SPTA1: variants seen among roughly 807,000 people sequenced by gnomAD.
SPTA1 encodes the protein spectrin alpha, erythrocytic 1.
In SPTA1, 177 loss-of-function variants were observed where a neutral mutation model predicts 324.7. The ratio of observed to expected loss-of-function variants is 0.55; its 90% confidence interval spans 0.48 to 0.62. The LOEUF is 0.62. Ranked by LOEUF, SPTA1 falls within the 20% of genes least tolerant of loss-of-function variation. The probability of loss-of-function intolerance (pLI) is 0.00; values close to 1 mark genes in which losing one functional copy is unlikely to be tolerated. For synonymous variants in SPTA1, 1,195 were observed against 1,041.3 expected, an observed-to-expected ratio of 1.15 and a Z score of -2.84; for missense variants, 3,162 against 2,883.6, an observed-to-expected ratio of 1.10 and a Z score of -2.21.
chr1:158,613,966 T>C (rs1442069800), intron 49 of SPTA1, 99 bp from the exon 50 acceptor site: 2 of 1,371,750 alleles, frequency 1.5e-6, no homozygotes, highest in East Asian at 2.5e-5. Flanking sequence ...TGAAGCTTTA[T>C]TGACCTGTCA....
At chr1:158,643,254 C>T in intron 31 of SPTA1, 68 bp downstream of exon 31, 2 of 1,559,400 alleles carry the variant, frequency 1.3e-6, no homozygotes, top group Non-Finnish European at 1.8e-6. Flanking sequence ...TCCCCCATCT[C>T]AATGCTAGCA....
At chr1:158,655,544 G>C (rs1173463171) in intron 20 of SPTA1, among the ~76,000 whole-genome samples, 2 of 150,860 alleles carry the variant, frequency 1.3e-5, no homozygotes, top group East Asian at 3.9e-4. Flanking sequence ...AAATCCTTCT[G>C]TTCTTGTTTA....
Position 158,645,300 on chromosome 1 carries a change from T to C in SPTA1, c.4082A>G (p.His1361Arg). The stretch of plus-strand genomic sequence containing the variant: ...CTTTTTTTCAATTTCAGGGCTAGCA[T>C]GGTGCCCACTGTCGATAAGTTCTGC... ...FSAELIDSGHHASPEIEKKLQ... is the reference protein window; with the variant it reads ...FSAELIDSGHRASPEIEKKLQ... Residue 1361 changes from histidine to arginine, a missense_variant, in exon 29 of 52, where the codon CAT becomes CGT. His to Arg is a conservative substitution (Grantham distance 29). Transcript: ENST00000643759. 1 of 1,614,030 alleles carries C rather than the reference T, an allele frequency of 6.2e-7. No individual in the cohort carries two copies. Among genetic ancestry groups the C allele is most frequent in the Non-Finnish European group, 8.5e-7 (1 of 1,179,946 alleles).
intron 16 of SPTA1, among the ~76,000 whole-genome samples, chr1:158,665,080 C>A (rs1295298931): frequency 6.6e-6 from 1 of 152,252 alleles, no homozygotes; most frequent in East Asian, 1.9e-4. Context: ...ATTAGGAGTT[C>A]AAATTCCTGG....
At position 158,671,501 on chromosome 1, in the gene SPTA1, A is replaced by G. The variant is rs201825151; in HGVS notation, c.1489-48T>C. On this transcript the variant is annotated intron_variant, in intron 11 of 51. Transcript: ENST00000643759. ...CCTAAGCTGTGTCTGACCGGTAAGA[A>G]ACATTCCTCTTGGCATATCTCTGAG... The G allele has an allele frequency of 3.2e-5, 47 of 1,466,142 alleles. No homozygotes were observed. In the East Asian group the frequency reaches 1.1e-3, roughly 33 times the overall value. 90.8% of individuals were successfully genotyped at this position (1,466,142 alleles called of 1,614,324 possible). A position where few individuals can be genotyped will look rare whatever the true frequency, so the allele number is the denominator to read the frequency against.
chr1:158,685,994 G>C (rs375667560), intron 1 of SPTA1, among the ~76,000 whole-genome samples: 2 of 152,158 alleles, frequency 1.3e-5, no homozygotes, highest in Non-Finnish European at 2.9e-5. Context: ...CAATATATAA[G>C]TATCCTTTTC....
intron 39 of SPTA1, among the ~76,000 whole-genome samples, chr1:158,632,600 C>T (rs986823865): frequency 6.6e-6 from 1 of 152,086 alleles, no homozygotes; most frequent in African/African-American, 2.4e-5. Flanking sequence ...ATATGAGCTA[C>T]AATGAGGTAT....
At chr1:158,668,117 A>G in intron 14 of SPTA1, 55 bp from the exon 15 acceptor site, 1 of 1,572,408 alleles carries the variant, frequency 6.4e-7, no homozygotes, top group East Asian at 2.2e-5. Context: ...TGAGGGACAG[A>G]AATTTTGAGA....
rs765863394 is a variant in SPTA1 at position 158,669,551 on chromosome 1, G to T, written c.1690C>A (p.Arg564=). 3 of 1,613,926 alleles carry T rather than the reference G, an allele frequency of 1.9e-6. No homozygotes were observed. Among genetic ancestry groups the T allele is most frequent in the South Asian group, 1.1e-5 (1 of 91,088 alleles). Reference sequence around the variant, plus strand: ...GCAGCCTTTTCACGTAGGGCATCCCGCCGGGCTAACAGCTGCAAAAACCAT... The same window carrying T: ...GCAGCCTTTTCACGTAGGGCATCCCTCCGGGCTAACAGCTGCAAAAACCAT... The part of the protein sequence containing the change: ...KAIRDGLLAR[R]DALREKAATR... The change falls in exon 14 of 52, where the codon CGG becomes AGG. Residue 564 remains arginine, a synonymous_variant. Transcript: ENST00000643759.
chr1:158,650,772 A>G (rs61518853), intron 24 of SPTA1, among the ~76,000 whole-genome samples: 3,181 of 152,316 alleles, frequency 0.021, 114 homozygotes, highest in African/African-American at 0.073. Context: ...CCAAAATTGC[A>G]GTTCAAATTC....
intron 48 of SPTA1, 64 bp downstream of exon 48, chr1:158,615,152 G>A: frequency 6.3e-7 from 1 of 1,594,326 alleles, no homozygotes; most frequent in Non-Finnish European, 8.6e-7. Flanking sequence ...CTCGCCCTTA[G>A]TTAAGGTCCT....
chr1:158,680,464 T>C, intron 5 of SPTA1, 119 bp downstream of exon 5: 1 of 1,438,792 alleles, frequency 7.0e-7, no homozygotes, highest in South Asian at 1.2e-5. Flanking sequence ...TCCAGGAACA[T>C]GCCAACCTCT....
chr1:158,639,803 G>T (rs764031956), intron 34 of SPTA1, 67 bp downstream of exon 34: 45 of 1,612,806 alleles, frequency 2.8e-5, no homozygotes, highest in Admixed American at 3.3e-5. Context: ...TTGCCCATGG[G>T]TAAATTCATT....
Position 158,674,437 on chromosome 1 carries a change from C to G in SPTA1, c.1249-7G>C, listed in dbSNP as rs776190764. 6.2e-7 allele frequency: 1 copy of G among 1,614,024 alleles called. No homozygotes were observed. The highest frequency in any genetic ancestry group is 1.7e-5 in the Admixed American group (1 of 60,002). The stretch of plus-strand genomic sequence containing the variant: ...CGTAAGAGTCAATCTCATGCTGTGG[C>G]CACAAAACAAAGTGTCTCAAAATGC... On this transcript the variant is annotated splice_polypyrimidine_tract_variant and splice_region_variant and intron_variant, in intron 9 of 51. Transcript: ENST00000643759.
In SPTA1 at chr1:158,610,977, C is replaced by A; in HGVS notation, c.*287G>T. ...AGCAAAATGATAAAGACGTGCAAAACAGAACAAATAAAAATAGAAACTTTG... is the reference window on the plus strand; with the variant it reads ...AGCAAAATGATAAAGACGTGCAAAAAAGAACAAATAAAAATAGAAACTTTG... On this transcript the variant is annotated 3_prime_UTR_variant, in exon 52 of 52. Coordinates refer to ENST00000643759, the MANE Select transcript of SPTA1 (RefSeq NM_003126.4). The A allele has an allele frequency of 2.9e-6, 1 of 341,078 alleles. No homozygotes were observed. The highest frequency in any genetic ancestry group is 3.4e-5 in the South Asian group (1 of 29,078). 21.1% of individuals were successfully genotyped at this position (341,078 alleles called of 1,614,324 possible). A position where few individuals can be genotyped will look rare whatever the true frequency, so the allele number is the denominator to read the frequency against.
chr1:158,648,757 C>T (rs1652190256), intron 25 of SPTA1, 104 bp from the exon 26 acceptor site: 1 of 1,199,194 alleles, frequency 8.3e-7, no homozygotes, highest in East Asian at 2.6e-5. Flanking sequence ...ACCATCCTCC[C>T]ACCCACCCCC....
intron 24 of SPTA1, among the ~76,000 whole-genome samples, chr1:158,650,867 G>A (rs1652377512): frequency 6.6e-6 from 1 of 152,156 alleles, no homozygotes; most frequent in Admixed American, 6.5e-5. Flanking sequence ...GAGGAGGTTT[G>A]GATATTGTAA....
intron 2 of SPTA1, among the ~76,000 whole-genome samples, chr1:158,684,873 T>G (rs1444250179): frequency 6.6e-6 from 1 of 152,140 alleles, no homozygotes; most frequent in African/African-American, 2.4e-5. Context: ...ACTGCTGCTT[T>G]TTGTTTGATT....
intron 48 of SPTA1, 72 bp downstream of exon 48, chr1:158,615,144 C>T (rs1252557221): frequency 3.3e-5 from 52 of 1,569,476 alleles, no homozygotes; most frequent in East Asian, 9.0e-5. Context: ...ACCAAACTCT[C>T]GCCCTTAGTT....
Sources: allele counts gnomAD v4.1 joint callset (sites outside exome capture counted in the v4.1 genomes callset), GRCh38; gene constraint gnomAD v4.1.1; transcripts MANE v1.5; gene names NCBI Gene and HGNC (gene_info 2026-07-23, HGNC 2026-07-21).